THSD4: variants seen among roughly 807,000 people sequenced by gnomAD.
THSD4 encodes the protein thrombospondin type-1 domain-containing protein 4.
A neutral mutation model predicts 119.0 loss-of-function variants in THSD4; 69 were observed. The observed-to-expected ratio is 0.58, with a 90% confidence interval of 0.48 to 0.71. The LOEUF (loss-of-function observed/expected upper bound fraction) is 0.71. Ranked by LOEUF, THSD4 falls within the 30% of genes least tolerant of loss-of-function variation. The pLI is 0.00. For synonymous variants in THSD4, 524 were observed against 540.4 expected (o/e 0.97, Z 0.42); for missense variants, 1,393 against 1,391.1 (o/e 1.00, Z -0.02).
upstream of THSD4, among the ~76,000 whole-genome samples, chr15:71,112,812 A>G (rs2040316599): frequency 6.6e-6 from 1 of 152,272 alleles, no homozygotes; most frequent in African/African-American, 2.4e-5. Flanking sequence ...CAGGACTGAA[A>G]GATTAAAACT....
At chr15:71,287,372 G>A (rs2044731151) in intron 6 of THSD4, among the ~76,000 whole-genome samples, 1 of 152,102 alleles carries the variant, frequency 6.6e-6, no homozygotes, top group Admixed American at 6.5e-5. Context: ...ATTATCCCAT[G>A]ATGTTTTTAT....
chr15:71,261,664 A>G (rs1270345818), intron 6 of THSD4, among the ~76,000 whole-genome samples: 1 of 152,136 alleles, frequency 6.6e-6, no homozygotes, highest in Admixed American at 6.5e-5. Context: ...TGAAGAGGAG[A>G]TAGGGAAGTG....
chr15:71,765,308 C>A, intron 16 of THSD4, 109 bp downstream of exon 16: 1 of 1,289,862 alleles, frequency 7.8e-7, no homozygotes, highest in African/African-American at 1.5e-5. Context: ...AAGAGATTCC[C>A]TACAGCAATC....
chr15:71,251,294 G>T (rs1408876148), intron 5 of THSD4, among the ~76,000 whole-genome samples: 1 of 152,156 alleles, frequency 6.6e-6, no homozygotes, highest in Non-Finnish European at 1.5e-5. Flanking sequence ...ACGGCTTCTG[G>T]AACTACTGGA....
chr15:71,532,048 G>A (rs1189191996), intron 7 of THSD4, among the ~76,000 whole-genome samples: 1 of 150,998 alleles, frequency 6.6e-6, no homozygotes, highest in Non-Finnish European at 1.5e-5. Flanking sequence ...TGTAAGTCCT[G>A]CAGCCTAAAA....
At chr15:71,665,193 G>A (rs2051392613) in intron 8 of THSD4, among the ~76,000 whole-genome samples, 1 of 152,162 alleles carries the variant, frequency 6.6e-6, no homozygotes, top group Non-Finnish European at 1.5e-5. Context: ...CATTCTGACT[G>A]GTGTAAGATG....
Position 71,374,141 on chromosome 15 carries a change from A to T in THSD4, c.1016-37546A>T, listed in dbSNP as rs142073676. Among the ~76,000 whole-genome samples, 37 of 152,332 alleles carry T rather than the reference A, an allele frequency of 2.4e-4. No homozygotes were observed. In the East Asian group the frequency reaches 6.4e-3, roughly 26 times the overall value. On this transcript the variant is annotated intron_variant, in intron 6 of 17. Transcript: ENST00000261862. ...CAAAGTGATGCAAACACATGTTTCT[A>T]GTGCTCAGTACTACAGTCCTTCTGC...
chr15:71,735,938 ATC>A (rs1491151548), intron 10 of THSD4, among the ~76,000 whole-genome samples: 1 of 54,448 alleles, frequency 1.8e-5, no homozygotes, highest in African/African-American at 7.6e-5. Flanking sequence ...TTCTGTCTCT[ATC>A]TCTCTGTCTC....
chr15:71,582,312 G>GC (rs1232223968), intron 7 of THSD4, among the ~76,000 whole-genome samples: 1 of 152,022 alleles, frequency 6.6e-6, no homozygotes, highest in Non-Finnish European at 1.5e-5. Context: ...AAGTGCAACT[G>GC]GTTTTTGTAT....
intron 5 of THSD4, among the ~76,000 whole-genome samples, chr15:71,255,097 A>G (rs1447880837): frequency 6.6e-6 from 1 of 152,174 alleles, no homozygotes; most frequent in African/African-American, 2.4e-5. Context: ...TATTTCTGAT[A>G]CATACAGTAG....
chr15:71,340,752 C>G (rs1165189602), intron 6 of THSD4, among the ~76,000 whole-genome samples: 1 of 151,940 alleles, frequency 6.6e-6, no homozygotes, highest in Non-Finnish European at 1.5e-5. Flanking sequence ...ATTACAGGTG[C>G]CCACCACCAC....
rs569048860 is a variant in THSD4 at position 71,371,773 on chromosome 15, C to T, written c.1016-39914C>T. 5.7e-4 allele frequency among the ~76,000 whole-genome samples: 87 copies of T among 152,206 alleles called. 4 individuals are homozygous for T. In the South Asian group the frequency reaches 0.016, roughly 28 times the overall value. ...TTATGTGTCTTGGAGTTGCTCTTCTCGAGGAGTATCTTTGTGGCATTCTCT... is the reference window on the plus strand; with the variant it reads ...TTATGTGTCTTGGAGTTGCTCTTCTTGAGGAGTATCTTTGTGGCATTCTCT... On this transcript the variant is annotated intron_variant, in intron 6 of 17. Coordinates refer to ENST00000261862, the MANE Select transcript of THSD4 (RefSeq NM_024817.3).
intron 7 of THSD4, among the ~76,000 whole-genome samples, chr15:71,658,463 G>A (rs55667915): frequency 0.01 from 1,527 of 152,252 alleles, 10 homozygotes; most frequent in Non-Finnish European, 0.016. Context: ...GACAGGGCAG[G>A]CAATGGGTGT....
At chr15:71,248,736 G>T (rs1033437861) in intron 5 of THSD4, among the ~76,000 whole-genome samples, 1 of 152,164 alleles carries the variant, frequency 6.6e-6, no homozygotes, top group South Asian at 2.1e-4. Flanking sequence ...GATGTTGGCC[G>T]AATCTCAAAT....
At chr15:71,329,257 G>T (rs1023060040) in intron 6 of THSD4, among the ~76,000 whole-genome samples, 2 of 152,168 alleles carry the variant, frequency 1.3e-5, no homozygotes, top group African/African-American at 4.8e-5. Context: ...GCTGCCTGGC[G>T]ACAGGGAGCG....
At chr15:71,690,626 G>A (rs2052027527) in intron 8 of THSD4, among the ~76,000 whole-genome samples, 1 of 152,174 alleles carries the variant, frequency 6.6e-6, no homozygotes, top group South Asian at 2.1e-4. Context: ...CCTAGACTGG[G>A]CAATTTACAA....
intron 7 of THSD4, among the ~76,000 whole-genome samples, chr15:71,494,036 T>C (rs1375085997): frequency 2.6e-5 from 4 of 152,202 alleles, no homozygotes; most frequent in Non-Finnish European, 2.9e-5. Flanking sequence ...AGGTGGCACC[T>C]GTGGATGGGA....
chr15:71,483,023 G>C (rs553304556), intron 7 of THSD4, among the ~76,000 whole-genome samples: 1 of 152,228 alleles, frequency 6.6e-6, no homozygotes, highest in South Asian at 2.1e-4. Flanking sequence ...AGGAAAGTGA[G>C]TATTTTTTTA....
intron 6 of THSD4, among the ~76,000 whole-genome samples, chr15:71,372,983 C>G (rs1380594345): frequency 6.6e-6 from 1 of 152,244 alleles, no homozygotes. Context: ...ATGGCGGGCG[C>G]CCCTCCCGCA....
Sources: gnomAD v4.1 joint callset for allele counts (sites outside exome capture counted in the v4.1 genomes callset) on GRCh38, gnomAD v4.1.1 for gene constraint, MANE v1.5 for transcripts, NCBI Gene and HGNC (gene_info 2026-07-23, HGNC 2026-07-21) for gene names.